The following PTPRT variants were observed in gnomAD, a reference collection of about 807,000 sequenced individuals.
PTPRT encodes protein tyrosine phosphatase receptor type T.
Under a neutral mutation model 176.8 loss-of-function variants are expected in PTPRT, and 56 were observed. The ratio of observed to expected loss-of-function variants is 0.32; its 90% CI spans 0.26 to 0.40. The LOEUF (loss-of-function observed/expected upper bound fraction) is 0.40, where lower values mean the gene tolerates loss of function less well. Among genes scored for constraint, PTPRT ranks in the 10% least tolerant of loss-of-function variants. PTPRT has a pLI of 1.00. For missense variants in PTPRT, 1,540 were observed against 1,908.2 expected (o/e 0.81, Z 3.60); for synonymous variants, 783 against 739.0 (o/e 1.06, Z -0.96).
chr20:42,946,700 A>G (rs536205160), intron 1 of PTPRT, among the ~76,000 whole-genome samples: 1 of 152,340 alleles, frequency 6.6e-6, no homozygotes, highest in South Asian at 2.1e-4. Context: ...ATATACTGGT[A>G]TAATTCTTGC....
In PTPRT at chr20:43,189,813, C is replaced by G. The variant is rs1297642309; in HGVS notation, c.-80G>C. 2 of 764,914 alleles carry G rather than the reference C, an allele frequency of 2.6e-6. No homozygotes were observed. Among genetic ancestry groups the G allele is most frequent in the African/African-American group, 3.8e-5 (2 of 52,496 alleles). The allele number at this position is 764,914 out of a possible 1,614,324, so 47.4% of individuals were successfully genotyped here. On this transcript the variant is annotated 5_prime_UTR_variant, in exon 1 of 31. Transcript: ENST00000373187. This position sits in a 1 kb window ranked among gnomAD's most constrained non-coding sequence, Gnocchi z 5.0. ...GGGCGGGCGCGGGGTGGCCCCGCAT[C>G]GCCGGCGCGGCCGCTGGCTGTGCGC...
At chr20:42,947,148 C>A (rs1459941562) in intron 1 of PTPRT, among the ~76,000 whole-genome samples, 7 of 152,158 alleles carry the variant, frequency 4.6e-5, no homozygotes, top group African/African-American at 1.7e-4. Context: ...ATTTCCCCAA[C>A]CCCTGTGCCC....
At chr20:42,220,007 G>T (rs544513410) in intron 15 of PTPRT, among the ~76,000 whole-genome samples, 1 of 151,272 alleles carries the variant, frequency 6.6e-6, no homozygotes, top group East Asian at 2.0e-4. Flanking sequence ...CCCCATCTGA[G>T]ATATCTATTT....
chr20:42,501,711 A>C (rs1279308408), intron 7 of PTPRT, among the ~76,000 whole-genome samples: 1 of 152,182 alleles, frequency 6.6e-6, no homozygotes, highest in Non-Finnish European at 1.5e-5. Flanking sequence ...TTACATAGAA[A>C]GTTTGCTGTT....
chr20:42,179,341 C>T (rs1443821676), intron 16 of PTPRT, among the ~76,000 whole-genome samples: 4 of 152,118 alleles, frequency 2.6e-5, no homozygotes, highest in African/African-American at 9.7e-5. Context: ...TTACACTTTT[C>T]CAAAGAGTTT....
chr20:42,269,219 C>T (rs2056889705), intron 13 of PTPRT, among the ~76,000 whole-genome samples: 1 of 152,242 alleles, frequency 6.6e-6, no homozygotes, highest in Non-Finnish European at 1.5e-5. Flanking sequence ...ATCTCCATCT[C>T]AGTCTCAGTG....
At chr20:42,847,664 C>T (rs1250609705) in intron 2 of PTPRT, among the ~76,000 whole-genome samples, 1 of 152,172 alleles carries the variant, frequency 6.6e-6, no homozygotes, top group East Asian at 1.9e-4. Flanking sequence ...CTCTCACAGA[C>T]CTGTAGCTGC....
chr20:42,892,850 T>TA (rs1290977072), intron 1 of PTPRT, among the ~76,000 whole-genome samples: 5 of 152,176 alleles, frequency 3.3e-5, no homozygotes, highest in Admixed American at 6.5e-5. Flanking sequence ...TGTCCCATAG[T>TA]ATATGCTTGC....
chr20:42,561,337 C>T (rs6072794), intron 7 of PTPRT, among the ~76,000 whole-genome samples: 19,630 of 152,162 alleles, frequency 0.13, 1,600 homozygotes, highest in Admixed American at 0.25. Flanking sequence ...GAGGCTGGGC[C>T]GGGACTCTAG....
intron 9 of PTPRT, among the ~76,000 whole-genome samples, chr20:42,412,462 G>A (rs1453422441): frequency 1.3e-5 from 2 of 152,198 alleles, no homozygotes; most frequent in Non-Finnish European, 2.9e-5. Context: ...CTTCGATACA[G>A]TGCAAAATGG....
At chr20:42,981,522 CTT>C (rs1048340545) in intron 1 of PTPRT, among the ~76,000 whole-genome samples, 3 of 152,342 alleles carry the variant, frequency 2.0e-5, no homozygotes, top group Non-Finnish European at 4.4e-5. Context: ...GGCTTGCCCT[CTT>C]GTTGCACTTG....
intron 11 of PTPRT, among the ~76,000 whole-genome samples, chr20:42,342,457 T>C (rs555026745): frequency 5.1e-4 from 77 of 152,246 alleles, no homozygotes; most frequent in Non-Finnish European, 9.3e-4. Flanking sequence ...GTGGGACCCA[T>C]AGCATTCCTC....
At chr20:42,933,992 A>T (rs1198581699) in intron 1 of PTPRT, among the ~76,000 whole-genome samples, 1 of 152,256 alleles carries the variant, frequency 6.6e-6, no homozygotes, top group Non-Finnish European at 1.5e-5. Context: ...TACATGCAAC[A>T]GTCTGGAACT....
chr20:42,991,558 G>A (rs1033909236), intron 1 of PTPRT, among the ~76,000 whole-genome samples: 10 of 152,054 alleles, frequency 6.6e-5, no homozygotes, highest in Admixed American at 2.0e-4. Context: ...GGGACTGGTG[G>A]GGGGCAGATG....
At chr20:43,094,679 G>A (rs1357585673) in intron 1 of PTPRT, among the ~76,000 whole-genome samples, 1 of 152,156 alleles carries the variant, frequency 6.6e-6, no homozygotes, top group East Asian at 1.9e-4. Flanking sequence ...TTACAGGTGT[G>A]AGCCACCATG....
At chr20:43,006,818 C>G (rs1642832155) in intron 1 of PTPRT, among the ~76,000 whole-genome samples, 1 of 152,188 alleles carries the variant, frequency 6.6e-6, no homozygotes, top group Non-Finnish European at 1.5e-5. Flanking sequence ...GCTGAGAAGT[C>G]TAGCACTTGG....
At chr20:43,047,323 A>G (rs143238856) in intron 1 of PTPRT, among the ~76,000 whole-genome samples, 4 of 152,248 alleles carry the variant, frequency 2.6e-5, no homozygotes, top group Admixed American at 1.3e-4. Flanking sequence ...AAAGAAATAT[A>G]GGCCATTTAG....
intron 1 of PTPRT, among the ~76,000 whole-genome samples, chr20:43,159,475 TCAGAGTTGG>T (rs1352153769): frequency 6.6e-6 from 1 of 152,230 alleles, no homozygotes; most frequent in Non-Finnish European, 1.5e-5. Context: ...TATCTGCTTC[TCAGAGTTGG>T]CATGAGGATT....
chr20:42,977,637 A>G (rs1039248387), intron 1 of PTPRT, among the ~76,000 whole-genome samples: 13 of 152,134 alleles, frequency 8.5e-5, no homozygotes, highest in Non-Finnish European at 1.6e-4. Context: ...ACTAGATTGT[A>G]TATAAAGGCT....
Sources: gnomAD v4.1 joint callset for allele counts (sites outside exome capture counted in the v4.1 genomes callset) on GRCh38, gnomAD v4.1.1 for gene constraint, Gnocchi (gnomAD v3.1) non-coding constraint, MANE v1.5 for transcripts, NCBI Gene and HGNC (gene_info 2026-07-23, HGNC 2026-07-21) for gene names.